RHBDF2: variants seen among roughly 807,000 people sequenced by gnomAD.
The protein encoded by RHBDF2 is rhomboid 5 homolog 2.
Under a neutral mutation model 95.2 loss-of-function variants are expected in RHBDF2, and 38 were observed. The observed-to-expected ratio is 0.40, with a 90% CI of 0.31 to 0.52. The LOEUF (loss-of-function observed/expected upper bound fraction) is 0.52, where lower values mean the gene tolerates loss of function less well. Ranked by LOEUF, RHBDF2 falls within the 20% of genes least tolerant of loss-of-function variation. The pLI is 0.56. For missense variants in RHBDF2, 863 were observed against 1,137.7 expected (o/e 0.76, Z 3.47); for synonymous variants, 442 against 462.0 (o/e 0.96, Z 0.55).
At chr17:76,498,789 A>AGAGTGT (rs1206209503) in intron 1 of RHBDF2, among the ~76,000 whole-genome samples, 7 of 143,662 alleles carry the variant, frequency 4.9e-5, no homozygotes, top group Non-Finnish European at 7.6e-5. Flanking sequence ...AGAGAAAGAG[A>AGAGTGT]GTGTGTGTGT....
At chr17:76,472,281 A>G in intron 18 of RHBDF2, 1 of 600,812 alleles carries the variant, frequency 1.7e-6, no homozygotes, top group Non-Finnish European at 3.0e-6. Context: ...GTGGGTCCGT[A>G]GCAATAAGCA....
In RHBDF2 at chr17:76,497,507, T is replaced by C. The variant is rs77181093; in HGVS notation, c.-220+3846A>G. Among the ~76,000 whole-genome samples, 1,211 of 152,330 alleles carry C rather than the reference T, an allele frequency of 7.9e-3. 14 individuals carry two copies. Among genetic ancestry groups the C allele is most frequent in the South Asian group, 0.049 (238 of 4,830 alleles). On this transcript the variant is annotated intron_variant, in intron 1 of 18. Coordinates refer to ENST00000675367, the MANE Select transcript of RHBDF2 (RefSeq NM_001005498.4). ...ACTGCTCCATATGCGTGTTCCCATC[T>C]AGTCCTTGACAGCCCACGAGGCAGG...
At chr17:76,472,412 TC>T in intron 18 of RHBDF2, 1 of 594,288 alleles carries the variant, frequency 1.7e-6, no homozygotes. Context: ...TTCCTACCGC[TC>T]GACCTGCAGA....
At chr17:76,472,106 C>A in intron 18 of RHBDF2, 54 bp from the exon 19 acceptor site, 1 of 1,473,384 alleles carries the variant, frequency 6.8e-7, no homozygotes, top group South Asian at 1.3e-5. Flanking sequence ...TGGCCTGGGC[C>A]GGGCCTGCAC....
At chr17:76,477,510 C>T in intron 7 of RHBDF2, 147 bp downstream of exon 7, 1 of 1,027,940 alleles carries the variant, frequency 9.7e-7, no homozygotes, top group Middle Eastern at 2.3e-4. Context: ...GATGGGGGCC[C>T]AGCAGCTCCA....
At chr17:76,475,624 C>G (rs1045199617) in intron 9 of RHBDF2, among the ~76,000 whole-genome samples, 1 of 151,832 alleles carries the variant, frequency 6.6e-6, no homozygotes, top group South Asian at 2.1e-4. Context: ...GCTCTGTCAC[C>G]TAGGCTGGAA....
chr17:76,495,313 T>C (rs1295154903), intron 1 of RHBDF2, among the ~76,000 whole-genome samples: 1 of 152,212 alleles, frequency 6.6e-6, no homozygotes, highest in Non-Finnish European at 1.5e-5. Context: ...GACTGTCCCA[T>C]GTACACAGAC....
At chr17:76,489,888 T>A (rs1327282889) in intron 1 of RHBDF2, among the ~76,000 whole-genome samples, 1 of 152,200 alleles carries the variant, frequency 6.6e-6, no homozygotes, top group East Asian at 1.9e-4. Flanking sequence ...GGACGCCCGA[T>A]GTCTGGCTCC....
chr17:76,483,797 A>C (rs531739567), intron 2 of RHBDF2, among the ~76,000 whole-genome samples: 1 of 152,318 alleles, frequency 6.6e-6, no homozygotes, highest in African/African-American at 2.4e-5. Context: ...TTGAAGAGTA[A>C]GTACATCCCA....
chr17:76,482,082 G>C (rs1327406784), intron 2 of RHBDF2, among the ~76,000 whole-genome samples: 1 of 151,380 alleles, frequency 6.6e-6, no homozygotes, highest in East Asian at 1.9e-4. Flanking sequence ...TTGGAGTGAG[G>C]TCTATTTCTG....
Position 76,474,140 on chromosome 17 carries a change from C to T in RHBDF2, c.1467G>A (p.Glu489=), listed in dbSNP as rs367660554. 1 of 1,575,972 alleles carries T rather than the reference C, an allele frequency of 6.3e-7. No individual in the cohort carries two copies. Among genetic ancestry groups the T allele is most frequent in the Non-Finnish European group, 8.6e-7 (1 of 1,163,542 alleles). Reference sequence around the variant, plus strand: ...GCCACTTGACAAAAGTGGCCAAAGTCTCCTGGAGGGCAGAAGAAGGCTGGT... The same window carrying T: ...GCCACTTGACAAAAGTGGCCAAAGTTTCCTGGAGGGCAGAAGAAGGCTGGT... ...CIQTQRKDCS[E]TLATFVKWQD... The change falls in exon 13 of 19, where the codon GAG becomes GAA. Residue 489 remains glutamate, a splice_region_variant and synonymous_variant. Transcript: ENST00000675367.
Position 76,477,356 on chromosome 17 carries a change from G to A in RHBDF2, c.802-58C>T, listed in dbSNP as rs114982767. 4.6e-4 allele frequency: 718 copies of A among 1,567,464 alleles called. 3 individuals carry two copies. In the African/African-American group the frequency reaches 8.6e-3, roughly 19 times the overall value. On this transcript the variant is annotated intron_variant, in intron 7 of 18. Transcript: ENST00000675367. The stretch of plus-strand genomic sequence containing the variant: ...GAGTCTGTCCCAAACACTGCCCCCC[G>A]GAACCTCAATTCAAGGGCAGGACAC...
rs1309037917 is a variant in RHBDF2 at position 76,479,042 on chromosome 17, T to C, written c.469-33A>G. On this transcript the variant is annotated intron_variant, in intron 5 of 18. Transcript: ENST00000675367. The stretch of plus-strand genomic sequence containing the variant: ...GGAGGGGGGCGGTAAGCAGAGCCAT[T>C]AGGGTCCCCACCCCTGCCTCCTTTC... 2.5e-6 allele frequency: 4 copies of C among 1,611,328 alleles called. No homozygotes were observed. In the South Asian group the frequency reaches 4.4e-5, roughly 18 times the overall value.
chr17:76,488,023 TA>T (rs2144327154), intron 1 of RHBDF2, 114 bp from the exon 2 acceptor site: 1 of 152,330 alleles, frequency 6.6e-6, no homozygotes, highest in African/African-American at 2.4e-5. Flanking sequence ...GCCTCACTGG[TA>T]AGGGATTAAA....
chr17:76,477,565 AG>A (rs2073814133), intron 7 of RHBDF2, 91 bp downstream of exon 7: 4 of 1,408,212 alleles, frequency 2.8e-6, no homozygotes, highest in Non-Finnish European at 4.0e-6. Flanking sequence ...TGGGTCCCTC[AG>A]GGGTTCCTGA....
rs1035172555 is a variant in RHBDF2, at chr17:76,485,863, C to T, written c.-22+1849G>A. Reference sequence around the variant, plus strand: ...TGTGTCCAGGGACAGGAGCCAGTCACGATGGCCACCTCTGCATGAGTCCAT... The same window carrying T: ...TGTGTCCAGGGACAGGAGCCAGTCATGATGGCCACCTCTGCATGAGTCCAT... On this transcript the variant is annotated intron_variant, in intron 2 of 18. Transcript: ENST00000675367. 2.0e-5 allele frequency among the ~76,000 whole-genome samples: 3 copies of T among 152,088 alleles called. No individual in the cohort carries two copies. In the East Asian group the frequency reaches 5.8e-4, roughly 29 times the overall value.
chr17:76,478,370 A>G (rs542920838), intron 6 of RHBDF2, among the ~76,000 whole-genome samples: 20 of 152,016 alleles, frequency 1.3e-4, no homozygotes, highest in Non-Finnish European at 2.8e-4. Flanking sequence ...GCTTAACTCA[A>G]TGTCTTCCCT....
chr17:76,479,281 C>T lies in RHBDF2; in HGVS notation c.273-4G>A, dbSNP rs764965499. 2.7e-5 allele frequency: 43 copies of T among 1,591,830 alleles called. No homozygotes were observed. The highest frequency in any genetic ancestry group is 1.7e-4 in the Middle Eastern group (1 of 6,044). On this transcript the variant is annotated splice_polypyrimidine_tract_variant and splice_region_variant and intron_variant, in intron 4 of 18. Coordinates refer to ENST00000675367, the MANE Select transcript of RHBDF2 (RefSeq NM_001005498.4). ...TCCAAACCACTGGGCTGCGCCCCTGCGGAAGCAGACAAGGGACAGGTGGGC... is the reference window on the plus strand; with the variant it reads ...TCCAAACCACTGGGCTGCGCCCCTGTGGAAGCAGACAAGGGACAGGTGGGC...
Position 76,475,134 on chromosome 17 carries a change from A to G in RHBDF2, c.1123T>C (p.Phe375Leu). 1 of 1,591,468 alleles carries G rather than the reference A, an allele frequency of 6.3e-7. No individual in the cohort carries two copies. Among genetic ancestry groups the G allele is most frequent in the South Asian group, 1.1e-5 (1 of 87,190 alleles). Residue 375 changes from phenylalanine to leucine, a missense_variant, in exon 10 of 19, where the codon TTC becomes CTC. By Grantham distance (22) the Phe-to-Leu change is conservative (BLOSUM62 0). Coordinates refer to ENST00000675367, the MANE Select transcript of RHBDF2 (RefSeq NM_001005498.4). Reference sequence around the variant, plus strand: ...TGGACGAAGGTCAGCCAGTAGGTGAAGTAGGGCCTGTGCAGAGACACCTCG... The same window carrying G: ...TGGACGAAGGTCAGCCAGTAGGTGAGGTAGGGCCTGTGCAGAGACACCTCG... ...LESFDSHRPY[F>L]TYWLTFVHVI...
Sources: gnomAD v4.1 joint callset for allele counts (sites outside exome capture counted in the v4.1 genomes callset) on GRCh38, gnomAD v4.1.1 for gene constraint, MANE v1.5 for transcripts, NCBI Gene and HGNC (gene_info 2026-07-23, HGNC 2026-07-21) for gene names.